LRPPRC: variants seen among roughly 807,000 people sequenced by gnomAD.
LRPPRC encodes the protein leucine-rich PPR motif-containing protein, mitochondrial.
A neutral mutation model predicts 180.3 loss-of-function variants in LRPPRC; 120 were observed. The ratio of observed to expected loss-of-function variants is 0.67; its 90% CI spans 0.57 to 0.77. The LOEUF (loss-of-function observed/expected upper bound fraction) is 0.77, where lower values mean the gene tolerates loss of function less well. Ranked by LOEUF, LRPPRC falls within the 30% of genes least tolerant of loss-of-function variation. The probability of loss-of-function intolerance (pLI) is 0.00; values close to 1 mark genes in which losing one functional copy is unlikely to be tolerated. For synonymous variants in LRPPRC, 723 were observed against 600.0 expected, an observed-to-expected ratio of 1.21 and a Z score of -3.00; for missense variants, 2,012 against 1,657.2, an observed-to-expected ratio of 1.21 and a Z score of -3.72.
chr2:43,992,941 C>T (rs933379492), intron 1 of LRPPRC, among the ~76,000 whole-genome samples: 6 of 151,930 alleles, frequency 3.9e-5, no homozygotes, highest in Non-Finnish European at 7.4e-5. Flanking sequence ...GAAAAGGTCA[C>T]AAAAGAGAAT....
chr2:43,893,525 T>A (rs1430076092), intron 36 of LRPPRC, among the ~76,000 whole-genome samples: 1 of 152,258 alleles, frequency 6.6e-6, no homozygotes, highest in Admixed American at 6.5e-5. Flanking sequence ...AAGGCACAGA[T>A]GATCGTTAAC....
chr2:43,965,195 T>C (rs1673502759), intron 11 of LRPPRC, among the ~76,000 whole-genome samples: 1 of 152,002 alleles, frequency 6.6e-6, no homozygotes, highest in African/African-American at 2.4e-5. Flanking sequence ...AGAGATGGGG[T>C]TTCACCATGT....
chr2:43,935,373 T>C (rs1228727383), intron 23 of LRPPRC, among the ~76,000 whole-genome samples: 2 of 152,230 alleles, frequency 1.3e-5, no homozygotes, highest in Non-Finnish European at 2.9e-5. Context: ...TTTTCATCTT[T>C]ATCATAATAT....
chr2:43,930,182 G>A (rs1284781124), intron 25 of LRPPRC, among the ~76,000 whole-genome samples: 1 of 152,006 alleles, frequency 6.6e-6, no homozygotes, highest in East Asian at 1.9e-4. Flanking sequence ...ACTGAGAAGA[G>A]ATCAAAATGT....
chr2:43,920,541 C>T (rs985268206), intron 27 of LRPPRC, among the ~76,000 whole-genome samples: 4 of 152,174 alleles, frequency 2.6e-5, no homozygotes, highest in Admixed American at 1.3e-4. Flanking sequence ...ATTAGCCCAA[C>T]TAATATAAAA....
chr2:43,995,567 G>A (rs1425323774), intron 1 of LRPPRC, among the ~76,000 whole-genome samples: 3 of 152,224 alleles, frequency 2.0e-5, no homozygotes, highest in African/African-American at 7.2e-5. Context: ...AGTGGCGGGG[G>A]CAGGATTCAA....
At chr2:43,980,379 C>A (rs922815615) in intron 2 of LRPPRC, among the ~76,000 whole-genome samples, 6 of 151,964 alleles carry the variant, frequency 3.9e-5, no homozygotes, top group Admixed American at 2.0e-4. Context: ...CATGGAGAAA[C>A]CCTGTCTCTA....
intron 2 of LRPPRC, among the ~76,000 whole-genome samples, chr2:43,980,456 G>A (rs1303456992): frequency 2.6e-5 from 4 of 151,630 alleles, no homozygotes; most frequent in Non-Finnish European, 4.4e-5. Flanking sequence ...GGGAGGCTGA[G>A]GCAGGAGAAC....
chr2:43,891,890 G>C (rs1332308061), intron 36 of LRPPRC, among the ~76,000 whole-genome samples: 1 of 152,238 alleles, frequency 6.6e-6, no homozygotes, highest in South Asian at 2.1e-4. Flanking sequence ...GTCCTTGAAG[G>C]AAATTAAAAA....
At position 43,965,316 on chromosome 2, in the gene LRPPRC, C is replaced by A. The variant is rs576825696; in HGVS notation, c.1370-1610G>T. Among the ~76,000 whole-genome samples the A allele has an allele frequency of 2.0e-5, 3 of 152,290 alleles. No homozygotes were observed. The South Asian group carries it at 6.2e-4, about 32-fold the overall frequency. On this transcript the variant is annotated intron_variant, in intron 11 of 37. Transcript: ENST00000260665. Reference sequence around the variant, plus strand: ...CCTCGTGATCTGCCCGCCTCAGCCTCCCAAAGTGTTGGGATTACAGGCATG... The same window carrying A: ...CCTCGTGATCTGCCCGCCTCAGCCTACCAAAGTGTTGGGATTACAGGCATG...
At chr2:43,974,018 C>G (rs1673937456) in intron 9 of LRPPRC, 118 bp from the exon 10 acceptor site, 1 of 1,178,104 alleles carries the variant, frequency 8.5e-7, no homozygotes, top group African/African-American at 1.5e-5. Flanking sequence ...TCTTTCTACC[C>G]AAAAATCTTG....
intron 36 of LRPPRC, chr2:43,890,509 C>T (rs1457143351): frequency 1.6e-5 from 5 of 321,232 alleles, no homozygotes; most frequent in African/African-American, 4.3e-5. Context: ...GTTAGGAGAT[C>T]GAGACCATCC....
intron 25 of LRPPRC, among the ~76,000 whole-genome samples, chr2:43,932,018 T>C (rs568903367): frequency 5.3e-5 from 8 of 149,882 alleles, no homozygotes; most frequent in Non-Finnish European, 8.8e-5. Flanking sequence ...AGGACTTTTT[T>C]CAGACTAGGT....
In LRPPRC at chr2:43,929,742, C is replaced by T. The variant is rs544995183; in HGVS notation, c.2737-3781G>A. ...ACTATTAAGTCTTTTAGCATTTGTC[C>T]TTTTCTCTAAAATTTTCCAAGATAG... On this transcript the variant is annotated intron_variant, in intron 25 of 37. Transcript: ENST00000260665. Among the ~76,000 whole-genome samples the T allele has an allele frequency of 2.6e-5, 4 of 152,218 alleles. No homozygotes were observed. In the East Asian group the frequency reaches 7.7e-4, roughly 29 times the overall value.
chr2:43,892,604 G>A (rs1374768701), intron 36 of LRPPRC: 1 of 152,196 alleles, frequency 6.6e-6, no homozygotes, highest in Non-Finnish European at 1.5e-5. Context: ...GGAGATTAAT[G>A]TTGTTCTCAG....
intron 15 of LRPPRC, 105 bp from the exon 16 acceptor site, chr2:43,949,764 A>C: frequency 1.3e-6 from 1 of 783,400 alleles, no homozygotes; most frequent in Non-Finnish European, 2.2e-6. Flanking sequence ...CCAGTAAGGT[A>C]CTATTCTATT....
At position 43,948,614 on chromosome 2, in the gene LRPPRC, T is replaced by A. The variant is rs570751933; in HGVS notation, c.1736-96A>T. The A allele has an allele frequency of 2.3e-5, 17 of 742,134 alleles. No homozygotes were observed. The Admixed American group carries it at 3.3e-4, about 14-fold the overall frequency. The allele number at this position is 742,134 out of a possible 1,614,324, so 46.0% of individuals were successfully genotyped here. A position where few individuals can be genotyped will look rare whatever the true frequency, so the allele number is the denominator to read the frequency against. On this transcript the variant is annotated intron_variant, in intron 16 of 37. Transcript: ENST00000260665. ...TAAGAAATCATTTTGGTGTGAGATG[T>A]CACCCTGATGAGAGGCTCTGAAATG... is the stretch of plus-strand genomic sequence containing the variant.
intron 32 of LRPPRC, among the ~76,000 whole-genome samples, chr2:43,900,046 T>C (rs1670831222): frequency 6.6e-6 from 1 of 152,234 alleles, no homozygotes; most frequent in African/African-American, 2.4e-5. Context: ...TGCATAAAAA[T>C]AGTATTTAAC....
At chr2:43,941,836 C>CT (rs1672492450) in intron 23 of LRPPRC, among the ~76,000 whole-genome samples, 2 of 55,874 alleles carry the variant, frequency 3.6e-5, no homozygotes, top group African/African-American at 1.6e-4. Flanking sequence ...GCAAAGTAGT[C>CT]TAAAAAAAAA....
Sources: gnomAD v4.1 joint callset for allele counts (sites outside exome capture counted in the v4.1 genomes callset) on GRCh38, gnomAD v4.1.1 for gene constraint, MANE v1.5 for transcripts, NCBI Gene and HGNC (gene_info 2026-07-23, HGNC 2026-07-21) for gene names.